PDZRN4: variants seen among roughly 807,000 people sequenced by gnomAD.
The protein encoded by PDZRN4 is PDZ domain containing ring finger 4.
PDZRN4 carries 70 observed loss-of-function variants against 99.0 expected under a neutral mutation model. The ratio of observed to expected loss-of-function variants is 0.71; its 90% CI spans 0.58 to 0.86. The LOEUF (loss-of-function observed/expected upper bound fraction) is 0.86, where lower values mean the gene tolerates loss of function less well. Among genes scored for constraint, PDZRN4 ranks in the 40% least tolerant of loss-of-function variants. The pLI is 0.00. For missense variants in PDZRN4, 1,474 were observed against 1,331.2 expected (o/e 1.11, Z -1.67); for synonymous variants, 551 against 501.6 (o/e 1.10, Z -1.32).
At chr12:41,248,799 G>A (rs1452001898) in intron 3 of PDZRN4, among the ~76,000 whole-genome samples, 1 of 152,048 alleles carries the variant, frequency 6.6e-6, no homozygotes, top group Non-Finnish European at 1.5e-5. Context: ...TAATTGCATT[G>A]TAATGTAGCA....
intron 3 of PDZRN4, among the ~76,000 whole-genome samples, chr12:41,247,415 A>G (rs1304071804): frequency 4.6e-5 from 7 of 152,202 alleles, no homozygotes; most frequent in Non-Finnish European, 7.3e-5. Flanking sequence ...ACAAGCTGAT[A>G]TTTACACATG....
Position 41,506,450 on chromosome 12 carries a change from T to C in PDZRN4, c.844-6T>C. 6.2e-7 allele frequency: 1 copy of C among 1,606,296 alleles called. No homozygotes were observed. Among genetic ancestry groups the C allele is most frequent in the Non-Finnish European group, 8.5e-7 (1 of 1,176,072 alleles). The stretch of plus-strand genomic sequence containing the variant: ...TGAGATGAACAATGTCCTTATATGT[T>C]TGTAGGTCAATGGGAAGGATCTTTC... On this transcript the variant is annotated splice_region_variant and splice_polypyrimidine_tract_variant and intron_variant, in intron 3 of 9. Transcript: ENST00000402685.
chr12:41,290,806 G>A (rs569761578), intron 3 of PDZRN4, among the ~76,000 whole-genome samples: 1 of 152,034 alleles, frequency 6.6e-6, no homozygotes, highest in Admixed American at 6.6e-5. Context: ...TACCTTTCCT[G>A]GGTCTGCCAT....
At chr12:41,398,626 C>T (rs143102246) in intron 3 of PDZRN4, among the ~76,000 whole-genome samples, 1 of 152,230 alleles carries the variant, frequency 6.6e-6, no homozygotes, top group East Asian at 1.9e-4. Flanking sequence ...GTGTAACTTC[C>T]ATTTAGTAAA....
chr12:41,429,859 TTGAA>T (rs1345044286), intron 3 of PDZRN4, among the ~76,000 whole-genome samples: 1 of 151,224 alleles, frequency 6.6e-6, no homozygotes, highest in Non-Finnish European at 1.5e-5. Context: ...TAAATACTGG[TTGAA>T]TGAAAGTTTG....
intron 3 of PDZRN4, chr12:41,478,018 C>T: frequency 1.3e-6 from 1 of 755,438 alleles, no homozygotes; most frequent in Non-Finnish European, 2.2e-6. Flanking sequence ...AATGTGGCTG[C>T]TTTGGTCTTT....
At chr12:41,450,509 G>T (rs761790673) in intron 3 of PDZRN4, among the ~76,000 whole-genome samples, 13 of 152,188 alleles carry the variant, frequency 8.5e-5, no homozygotes, top group South Asian at 4.1e-4. Flanking sequence ...AGATACTGGG[G>T]AATCTGAAGA....
intron 3 of PDZRN4, among the ~76,000 whole-genome samples, chr12:41,476,976 G>T (rs1937608313): frequency 6.6e-6 from 1 of 152,154 alleles, no homozygotes; most frequent in Non-Finnish European, 1.5e-5. Flanking sequence ...AGACAAGGAG[G>T]CTATTTAGTG....
At chr12:41,197,149 C>A (rs1340043624) in intron 3 of PDZRN4, among the ~76,000 whole-genome samples, 2 of 152,026 alleles carry the variant, frequency 1.3e-5, no homozygotes, top group South Asian at 2.1e-4. Context: ...TGCACACATA[C>A]AAGTTTATGA....
At chr12:41,464,004 C>A (rs1320525517) in intron 3 of PDZRN4, among the ~76,000 whole-genome samples, 7 of 152,126 alleles carry the variant, frequency 4.6e-5, no homozygotes, top group Non-Finnish European at 1.0e-4. Context: ...ACAGGATGAC[C>A]AGAGCTCTCA....
intron 3 of PDZRN4, chr12:41,438,110 G>C (rs1302493814): frequency 1.4e-6 from 2 of 1,459,628 alleles, no homozygotes; most frequent in Admixed American, 1.8e-5. Context: ...TTTTCTTTCA[G>C]TACATTTCAG....
chr12:41,314,002 T>C (rs1951623454), intron 3 of PDZRN4, among the ~76,000 whole-genome samples: 2 of 152,212 alleles, frequency 1.3e-5, no homozygotes, highest in Non-Finnish European at 2.9e-5. Context: ...TATTCATTCT[T>C]ATGTGTTAGA....
chr12:41,226,184 T>TAGG (rs1950993533), intron 3 of PDZRN4, among the ~76,000 whole-genome samples: 1 of 152,052 alleles, frequency 6.6e-6, no homozygotes, highest in South Asian at 2.1e-4. Flanking sequence ...CCTGGCCCAT[T>TAGG]TGCTCACCAG....
intron 3 of PDZRN4, among the ~76,000 whole-genome samples, chr12:41,473,148 A>G (rs1263019274): frequency 6.6e-6 from 1 of 152,096 alleles, no homozygotes; most frequent in African/African-American, 2.4e-5. Context: ...TATTTAACTG[A>G]CCCTATGAAA....
chr12:41,424,501 C>A (rs919749623), intron 3 of PDZRN4, among the ~76,000 whole-genome samples: 1 of 152,084 alleles, frequency 6.6e-6, no homozygotes, highest in Non-Finnish European at 1.5e-5. Flanking sequence ...TATGTCTTTA[C>A]ACAAAATTGG....
At chr12:41,456,385 C>A (rs964165782) in intron 3 of PDZRN4, among the ~76,000 whole-genome samples, 3 of 151,928 alleles carry the variant, frequency 2.0e-5, no homozygotes, top group Non-Finnish European at 2.9e-5. Flanking sequence ...TTTTCACTGC[C>A]CTACCTCATC....
At chr12:41,305,099 C>T (rs953104614) in intron 3 of PDZRN4, among the ~76,000 whole-genome samples, 7 of 152,252 alleles carry the variant, frequency 4.6e-5, no homozygotes, top group African/African-American at 1.4e-4. Context: ...ACATAAACTG[C>T]GAGAACAGAC....
At chr12:41,388,388 T>A (rs1952186863) in intron 3 of PDZRN4, among the ~76,000 whole-genome samples, 3 of 147,802 alleles carry the variant, frequency 2.0e-5, no homozygotes, top group African/African-American at 2.5e-5. Flanking sequence ...AATAAAAGAT[T>A]AAAAAAAAAA....
chr12:41,422,451 A>T (rs930609990), intron 3 of PDZRN4, among the ~76,000 whole-genome samples: 4 of 152,172 alleles, frequency 2.6e-5, no homozygotes, highest in Admixed American at 1.3e-4. Flanking sequence ...TGCTATAAAG[A>T]TACTCCCTGA....
Sources: gnomAD v4.1 joint callset for allele counts (sites outside exome capture counted in the v4.1 genomes callset) on GRCh38, gnomAD v4.1.1 for gene constraint, MANE v1.5 for transcripts, NCBI Gene and HGNC (gene_info 2026-07-23, HGNC 2026-07-21) for gene names.